Variants in S100A13 observed in about 807,000 individuals in gnomAD.
S100A13 encodes S100 calcium binding protein A13.
In S100A13, 6 loss-of-function variants were observed where a neutral mutation model predicts 8.2. The ratio of observed to expected loss-of-function variants is 0.73; its 90% confidence interval spans 0.40 to 1.44. S100A13 has a LOEUF of 1.44. Ranked by LOEUF, S100A13 falls within the 40% of genes most tolerant of loss-of-function variation. S100A13 has a pLI of 0.02. For missense variants in S100A13, 114 were observed against 113.6 expected (o/e 1.00, Z -0.02); for synonymous variants, 39 against 45.9 (o/e 0.85, Z 0.61).
At chr1:153,628,529 G>A (rs564933764), upstream of S100A13, 6 of 1,549,930 alleles carry the variant, frequency 3.9e-6, no homozygotes, top group East Asian at 1.2e-4. Flanking sequence ...CTAGTCCCTG[G>A]CCTGCCAGCT....
intron 2 of S100A13, among the ~76,000 whole-genome samples, chr1:153,621,055 G>A (rs1221693416): frequency 6.6e-6 from 1 of 151,552 alleles, no homozygotes; most frequent in Non-Finnish European, 1.5e-5. Flanking sequence ...ATAGAAAATG[G>A]AATAAACATA....
intron 2 of S100A13, among the ~76,000 whole-genome samples, chr1:153,620,907 A>G (rs1308784241): frequency 6.6e-6 from 1 of 152,130 alleles, no homozygotes; most frequent in Non-Finnish European, 1.5e-5. Context: ...TCTCTACAAG[A>G]AAAGGACAAA....
upstream of S100A13, chr1:153,627,911 C>T (rs1667765166): frequency 1.0e-6 from 1 of 953,018 alleles, no homozygotes; most frequent in Non-Finnish European, 1.5e-6. Flanking sequence ...ACAAAGGATG[C>T]TACAGACCAA....
chr1:153,630,405 C>T, upstream of S100A13: 1 of 1,377,552 alleles, frequency 7.3e-7, no homozygotes, highest in Non-Finnish European at 9.8e-7. Flanking sequence ...AATCCCACAG[C>T]TATTTGAGCT....
rs751005885 is a variant in S100A13, at chr1:153,626,307, G to A, written c.153+13C>T. On this transcript the variant is annotated intron_variant, in intron 2 of 2. Coordinates refer to ENST00000476133, the MANE Select transcript of S100A13 (RefSeq NM_001024211.2). ...ATCATCTCACAAAATCTCAGTCCCA[G>A]ACTTCTGCCTACCTTGAGCAGATGG... 5.6e-6 allele frequency: 9 copies of A among 1,612,978 alleles called. No individual in the cohort carries two copies. Among genetic ancestry groups the A allele is most frequent in the Non-Finnish European group, 6.8e-6 (8 of 1,179,056 alleles).
chr1:153,631,106 A>G (rs1412497248), upstream of S100A13: 3 of 301,778 alleles, frequency 9.9e-6, no homozygotes, highest in Non-Finnish European at 1.8e-5. Flanking sequence ...TTTTAGGAGG[A>G]GGTAACTGAA....
In S100A13 at chr1:153,621,871, TA is replaced by T. The variant is rs200445117; in HGVS notation, c.154-2834del. 7.0e-3 allele frequency among the ~76,000 whole-genome samples: 952 copies of T among 136,726 alleles called. 10 individuals are homozygous for T. Among genetic ancestry groups the T allele is most frequent in the African/African-American group, 0.021 (801 of 37,354 alleles). 89.7% of individuals were successfully genotyped at this position (136,726 alleles called of 152,430 possible). A position where few individuals can be genotyped will look rare whatever the true frequency, so the allele number is the denominator to read the frequency against. On this transcript the variant is annotated intron_variant, in intron 2 of 2. Transcript: ENST00000476133. ...GAGTGAGACCTCGTCTCAAAAAAAT[TA>T]AAAAAAAAAAAAATTGAAGTTCCAT... is the stretch of plus-strand genomic sequence containing the variant.
upstream of S100A13, chr1:153,627,999 G>A (rs566890709): frequency 1.2e-5 from 18 of 1,544,208 alleles, no homozygotes; most frequent in African/African-American, 2.5e-4. Context: ...AAGAGTCCTG[G>A]ATTGAAATCC....
At chr1:153,621,748 C>T (rs1667269244) in intron 2 of S100A13, among the ~76,000 whole-genome samples, 2 of 151,348 alleles carry the variant, frequency 1.3e-5, no homozygotes, top group South Asian at 4.2e-4. Flanking sequence ...ATCAGCCAGG[C>T]ATGGTGATGC....
At chr1:153,629,880 C>G (rs1229520906), upstream of S100A13, 1 of 152,864 alleles carries the variant, frequency 6.5e-6, no homozygotes, top group African/African-American at 2.4e-5. Flanking sequence ...CAGGAGAGAA[C>G]AGAGTTGAAG....
chr1:153,631,566 T>A, upstream of S100A13: 1 of 1,613,962 alleles, frequency 6.2e-7, no homozygotes, highest in South Asian at 1.1e-5. Flanking sequence ...TGAGGAGGCC[T>A]AGAAGAGTCC....
At chr1:153,631,396 C>T, upstream of S100A13, 3 of 1,393,688 alleles carry the variant, frequency 2.2e-6, no homozygotes, top group East Asian at 2.5e-5. Flanking sequence ...ACATACCTCA[C>T]ATTATTTGTA....
At chr1:153,625,718 T>C (rs999644064) in intron 2 of S100A13, among the ~76,000 whole-genome samples, 9 of 152,212 alleles carry the variant, frequency 5.9e-5, no homozygotes. Context: ...TCCAGTCCTG[T>C]CTTGGGGAAA....
At position 153,626,390 on chromosome 1, in the gene S100A13, C is replaced by T. The variant is rs370377697; in HGVS notation, c.83G>A (p.Gly28Asp). The change falls in exon 2 of 3, where the codon GGC becomes GAC. Residue 28 changes from glycine to aspartate, a missense_variant. Gly to Asp is a moderately conservative substitution (Grantham distance 94, BLOSUM62 -1). Coordinates refer to ENST00000476133, the MANE Select transcript of S100A13 (RefSeq NM_001024211.2). ...GTTGACGCTGAGGCTATCCTTCCGG[C>T]CCTCCTGCCTTGCAAAGGTGAAGAA... ...TTFFTFARQE[G>D]RKDSLSVNEF... 7.4e-6 allele frequency: 12 copies of T among 1,614,066 alleles called. No individual in the cohort carries two copies. The highest frequency in any genetic ancestry group is 1.0e-5 in the Non-Finnish European group (12 of 1,180,036).
At chr1:153,628,315 G>A (rs1195978162), upstream of S100A13, 12 of 1,504,142 alleles carry the variant, frequency 8.0e-6, no homozygotes, top group East Asian at 2.5e-5. Flanking sequence ...GACAGAGGGC[G>A]CCTCTGTCTG....
intron 2 of S100A13, 45 bp downstream of exon 2, chr1:153,626,275 C>T: frequency 1.3e-6 from 2 of 1,583,284 alleles, no homozygotes; most frequent in Non-Finnish European, 1.7e-6. Flanking sequence ...CACAGTGTCC[C>T]ATAATCATCA....
At chr1:153,629,728 C>G (rs943787097), upstream of S100A13, 1 of 152,332 alleles carries the variant, frequency 6.6e-6, no homozygotes, top group Non-Finnish European at 1.5e-5. Context: ...GCCTGCAGGT[C>G]TCCTCTCCCA....
upstream of S100A13, chr1:153,628,095 C>A: frequency 6.4e-7 from 1 of 1,550,416 alleles, no homozygotes; most frequent in African/African-American, 1.4e-5. Context: ...CAGACTAAGA[C>A]CCCCTCAGCA....
At chr1:153,621,566 C>T (rs988716581) in intron 2 of S100A13, among the ~76,000 whole-genome samples, 1 of 151,366 alleles carries the variant, frequency 6.6e-6, no homozygotes, top group African/African-American at 2.4e-5. Context: ...CGAGGTCAGG[C>T]GTTCAAGACC....
Sources: gnomAD v4.1 joint callset for allele counts (sites outside exome capture counted in the v4.1 genomes callset) on GRCh38, gnomAD v4.1.1 for gene constraint, MANE v1.5 for transcripts, NCBI Gene and HGNC (gene_info 2026-07-23, HGNC 2026-07-21) for gene names.